The following GALNTL6 variants were observed in gnomAD, a reference collection of about 807,000 sequenced individuals.
GALNTL6 encodes the protein polypeptide N-acetylgalactosaminyltransferase-like 6.
A neutral mutation model predicts 73.7 loss-of-function variants in GALNTL6; 46 were observed. The ratio of observed to expected loss-of-function variants is 0.62; its 90% CI spans 0.49 to 0.80. The LOEUF is 0.80. Among genes scored for constraint, GALNTL6 ranks in the 30% least tolerant of loss-of-function variants. The probability of loss-of-function intolerance (pLI) is 0.00; values close to 1 mark genes in which losing one functional copy is unlikely to be tolerated. For missense variants in GALNTL6, 604 were observed against 755.0 expected (o/e 0.80, Z 2.34); for synonymous variants, 259 against 263.7 (o/e 0.98, Z 0.17).
At chr4:172,040,322 CTGTT>C (rs1313079834) in intron 2 of GALNTL6, among the ~76,000 whole-genome samples, 1 of 151,974 alleles carries the variant, frequency 6.6e-6, no homozygotes, top group Non-Finnish European at 1.5e-5. Flanking sequence ...TCTAATATTT[CTGTT>C]TGTTCTTATT....
chr4:172,993,585 G>A (rs1751637230), intron 10 of GALNTL6, among the ~76,000 whole-genome samples: 1 of 152,204 alleles, frequency 6.6e-6, no homozygotes, highest in African/African-American at 2.4e-5. Flanking sequence ...GCTTTCACTT[G>A]ATATGGCCTG....
intron 5 of GALNTL6, among the ~76,000 whole-genome samples, chr4:172,446,185 G>A (rs886159145): frequency 2.0e-5 from 3 of 152,078 alleles, no homozygotes; most frequent in African/African-American, 7.2e-5. Flanking sequence ...TCCCAAAGAA[G>A]TAGGTATTAC....
chr4:172,021,929 C>T (rs764523400), intron 2 of GALNTL6, among the ~76,000 whole-genome samples: 18 of 151,962 alleles, frequency 1.2e-4, no homozygotes, highest in Non-Finnish European at 2.2e-4. Context: ...ATAGGCAAAA[C>T]TCAAATCCAA....
chr4:172,695,311 A>G (rs2111270245), intron 5 of GALNTL6, among the ~76,000 whole-genome samples: 1 of 152,374 alleles, frequency 6.6e-6, no homozygotes, highest in South Asian at 2.1e-4. Context: ...GATCTTTTGT[A>G]TAACTGATTC....
intron 5 of GALNTL6, among the ~76,000 whole-genome samples, chr4:172,726,288 A>C (rs1190725717): frequency 6.6e-6 from 1 of 152,236 alleles, no homozygotes; most frequent in Non-Finnish European, 1.5e-5. Context: ...GGCCTAAAGC[A>C]AACATCATTT....
intron 5 of GALNTL6, among the ~76,000 whole-genome samples, chr4:172,657,167 C>A (rs1579297415): frequency 6.6e-6 from 1 of 152,296 alleles, no homozygotes; most frequent in East Asian, 1.9e-4. Flanking sequence ...TAGTCTTTCT[C>A]TTTTCTCTTC....
intron 5 of GALNTL6, among the ~76,000 whole-genome samples, chr4:172,406,703 T>C (rs1399656025): frequency 6.6e-6 from 1 of 152,080 alleles, no homozygotes; most frequent in African/African-American, 2.4e-5. Context: ...CTGAGTTTAC[T>C]AGGCTAAATT....
intron 2 of GALNTL6, among the ~76,000 whole-genome samples, chr4:171,950,231 G>C (rs1486132002): frequency 6.6e-6 from 1 of 151,980 alleles, no homozygotes; most frequent in East Asian, 1.9e-4. Flanking sequence ...TCAAGATAAA[G>C]GCATTTTAAT....
At chr4:171,991,898 C>T (rs952803019) in intron 2 of GALNTL6, among the ~76,000 whole-genome samples, 1 of 151,372 alleles carries the variant, frequency 6.6e-6, no homozygotes, top group Non-Finnish European at 1.5e-5. Flanking sequence ...CAATAAGTAA[C>T]TGTGTAATTG....
intron 5 of GALNTL6, among the ~76,000 whole-genome samples, chr4:172,399,808 G>A (rs939798294): frequency 1.3e-5 from 2 of 152,092 alleles, no homozygotes; most frequent in Non-Finnish European, 2.9e-5. Context: ...AAAGCATGAT[G>A]TTTAAATGAA....
chr4:172,437,201 T>C (rs888981142), intron 5 of GALNTL6, among the ~76,000 whole-genome samples: 2 of 152,130 alleles, frequency 1.3e-5, no homozygotes, highest in Non-Finnish European at 2.9e-5. Context: ...TTGTCCCTGT[T>C]TGTCTCACCT....
intron 5 of GALNTL6, among the ~76,000 whole-genome samples, chr4:172,497,248 G>A (rs954622711): frequency 2.0e-5 from 3 of 152,188 alleles, no homozygotes; most frequent in Admixed American, 1.3e-4. Flanking sequence ...TCAATGAAGA[G>A]TAAATTAATG....
intron 7 of GALNTL6, among the ~76,000 whole-genome samples, chr4:172,817,657 T>C (rs1344672524): frequency 6.6e-6 from 1 of 152,210 alleles, no homozygotes; most frequent in Non-Finnish European, 1.5e-5. Flanking sequence ...TCAGCCATGA[T>C]GACAAAGAGA....
chr4:172,560,338 GA>G (rs34246878), intron 5 of GALNTL6, among the ~76,000 whole-genome samples: 125,338 of 150,494 alleles, frequency 0.83, 52,307 homozygotes, highest in South Asian at 0.88. Context: ...AAAAAAAAAA[GA>G]AAAAAAAAAT....
intron 2 of GALNTL6, among the ~76,000 whole-genome samples, chr4:171,996,117 G>A (rs772590203): frequency 1.6e-4 from 25 of 152,030 alleles, no homozygotes; most frequent in East Asian, 1.9e-4. Context: ...TCTTGAATCC[G>A]TACACTTAAC....
intron 5 of GALNTL6, among the ~76,000 whole-genome samples, chr4:172,529,456 T>TG (rs1192836446): frequency 1.3e-5 from 2 of 152,134 alleles, no homozygotes; most frequent in Non-Finnish European, 2.9e-5. Context: ...CTAGTTTTAT[T>TG]TTTTTAATAA....
intron 3 of GALNTL6, among the ~76,000 whole-genome samples, chr4:172,289,205 T>G (rs1182908368): frequency 6.6e-6 from 1 of 152,214 alleles, no homozygotes; most frequent in East Asian, 1.9e-4. Flanking sequence ...GAAGTAAAGT[T>G]TGTTACTGGA....
At chr4:172,120,802 G>A (rs1733127316) in intron 2 of GALNTL6, among the ~76,000 whole-genome samples, 1 of 151,916 alleles carries the variant, frequency 6.6e-6, no homozygotes, top group African/African-American at 2.4e-5. Flanking sequence ...TCCTTTAAGA[G>A]GAGGCTTTGT....
intron 5 of GALNTL6, among the ~76,000 whole-genome samples, chr4:172,369,729 T>G (rs888820809): frequency 1.3e-5 from 2 of 152,282 alleles, no homozygotes; most frequent in East Asian, 3.9e-4. Flanking sequence ...AGCCCCTCAC[T>G]GCCCGGGGCC....
Sources: gnomAD v4.1 joint callset for allele counts (sites outside exome capture counted in the v4.1 genomes callset) on GRCh38, gnomAD v4.1.1 for gene constraint, MANE v1.5 for transcripts, NCBI Gene and HGNC (gene_info 2026-07-23, HGNC 2026-07-21) for gene names.